Variants in MAGI1 observed in about 807,000 individuals in gnomAD.
MAGI1 encodes the protein membrane associated guanylate kinase, WW and PDZ domain containing 1.
In MAGI1, 58 loss-of-function variants were observed where a neutral mutation model predicts 139.9. The ratio of observed to expected loss-of-function variants is 0.41; its 90% confidence interval spans 0.34 to 0.52. MAGI1 has a LOEUF of 0.52. Among genes scored for constraint, MAGI1 ranks in the 20% least tolerant of loss-of-function variants. The pLI, the probability that MAGI1 is intolerant of heterozygous loss-of-function variation, is 0.12. For synonymous variants in MAGI1, 812 were observed against 737.9 expected (o/e 1.10, Z -1.63); for missense variants, 1,874 against 1,901.6 (o/e 0.99, Z 0.27).
At position 65,356,537 on chromosome 3, in the gene MAGI1, C is replaced by T. The variant is rs1485380602; in HGVS notation, c.4230G>A (p.Arg1410=). 2 of 1,610,124 alleles carry T rather than the reference C, an allele frequency of 1.2e-6. No homozygotes were observed. Among genetic ancestry groups the T allele is most frequent in the Admixed American group, 3.3e-5 (2 of 59,918 alleles). Residue 1410 remains arginine, a synonymous_variant, in exon 23 of 23, where the codon AGG becomes AGA. Transcript: ENST00000402939. ...DRRRARSPER[R]RERSLDKRNR... is the part of the protein sequence containing the mutation. ...TCCTTTTGTCCAGGGACCGCTCTCT[C>T]CTGCGCTCGGGGGAGCGTGCGCGCC...
chr3:65,791,496 G>C (rs1213671920), intron 1 of MAGI1, among the ~76,000 whole-genome samples: 1 of 152,118 alleles, frequency 6.6e-6, no homozygotes, highest in Non-Finnish European at 1.5e-5. Context: ...CTACAAATGA[G>C]AATATTTATT....
intron 2 of MAGI1, among the ~76,000 whole-genome samples, chr3:65,538,012 G>A (rs373051200): frequency 2.0e-5 from 3 of 152,240 alleles, no homozygotes; most frequent in Admixed American, 1.3e-4. Context: ...GTGGGTGCCT[G>A]TAATCCCAGC....
At chr3:65,921,919 GACACACACACACACAC>G (rs35532734) in intron 1 of MAGI1, among the ~76,000 whole-genome samples, 10 of 140,842 alleles carry the variant, frequency 7.1e-5, no homozygotes, top group South Asian at 2.3e-4. Flanking sequence ...CCACACACAC[GACACACACACACACAC>G]ACACACACAC....
At chr3:65,411,661 T>TA (rs994663505) in intron 12 of MAGI1, among the ~76,000 whole-genome samples, 2 of 152,158 alleles carry the variant, frequency 1.3e-5, no homozygotes, top group African/African-American at 4.8e-5. Context: ...GCTTGTAGGT[T>TA]AAAAAATACA....
At chr3:65,765,552 G>A (rs1417278466) in intron 1 of MAGI1, among the ~76,000 whole-genome samples, 3 of 152,194 alleles carry the variant, frequency 2.0e-5, no homozygotes, top group African/African-American at 7.2e-5. Flanking sequence ...GGAAGAGTCA[G>A]GATTCGGGCC....
chr3:66,023,948 T>A (rs1453635193), intron 1 of MAGI1, among the ~76,000 whole-genome samples: 1 of 152,180 alleles, frequency 6.6e-6, no homozygotes, highest in Non-Finnish European at 1.5e-5. Flanking sequence ...ATATGCTCTC[T>A]CCCCAGCTCT....
intron 1 of MAGI1, among the ~76,000 whole-genome samples, chr3:65,965,259 T>C (rs933740026): frequency 2.6e-5 from 4 of 152,210 alleles, no homozygotes; most frequent in Non-Finnish European, 5.9e-5. Flanking sequence ...ATCATTTGCA[T>C]CCCAGCCTCC....
At chr3:65,419,984 A>C (rs1402940376) in intron 12 of MAGI1, among the ~76,000 whole-genome samples, 2 of 152,066 alleles carry the variant, frequency 1.3e-5, no homozygotes, top group Non-Finnish European at 2.9e-5. Context: ...AGGTGTCCCA[A>C]GTCCCCCACT....
At chr3:65,410,019 G>A (rs958961706) in intron 12 of MAGI1, among the ~76,000 whole-genome samples, 4 of 152,190 alleles carry the variant, frequency 2.6e-5, no homozygotes, top group Admixed American at 6.5e-5. Flanking sequence ...ATTCCTGATG[G>A]CTTACAGAGC....
intron 1 of MAGI1, among the ~76,000 whole-genome samples, chr3:65,807,630 T>C (rs1293030971): frequency 6.6e-6 from 1 of 152,080 alleles, no homozygotes; most frequent in Non-Finnish European, 1.5e-5. Flanking sequence ...ATTATGAGAG[T>C]GCTCTGGGAA....
chr3:65,768,825 T>C (rs2037706990), intron 1 of MAGI1, among the ~76,000 whole-genome samples: 1 of 152,192 alleles, frequency 6.6e-6, no homozygotes, highest in African/African-American at 2.4e-5. Context: ...TCATTATCTT[T>C]TAGAAAATGT....
chr3:65,973,635 T>G (rs2065114428), intron 1 of MAGI1, among the ~76,000 whole-genome samples: 1 of 152,238 alleles, frequency 6.6e-6, no homozygotes, highest in African/African-American at 2.4e-5. Flanking sequence ...CACCTTCAAT[T>G]CTTACTGATT....
chr3:65,442,956 T>A (rs913944438), intron 7 of MAGI1, 107 bp from the exon 8 acceptor site: 53 of 765,476 alleles, frequency 6.9e-5, no homozygotes, highest in Admixed American at 1.1e-4. Flanking sequence ...AAAAATGCTT[T>A]AAATCCAATT....
At chr3:65,497,318 C>T (rs1952528572) in intron 2 of MAGI1, among the ~76,000 whole-genome samples, 1 of 152,040 alleles carries the variant, frequency 6.6e-6, no homozygotes, top group Admixed American at 6.5e-5. Context: ...AGAGAAAGAT[C>T]GTCAAAGGAG....
chr3:65,698,546 G>A (rs2089371226), intron 1 of MAGI1, among the ~76,000 whole-genome samples: 2 of 152,102 alleles, frequency 1.3e-5, no homozygotes, highest in East Asian at 3.9e-4. Flanking sequence ...CAATGGAACA[G>A]AACAGAGCCC....
At chr3:65,979,386 T>A (rs1463305247) in intron 1 of MAGI1, among the ~76,000 whole-genome samples, 1 of 152,186 alleles carries the variant, frequency 6.6e-6, no homozygotes, top group African/African-American at 2.4e-5. Flanking sequence ...AGCAGTTGGC[T>A]GAAAGCTCGC....
chr3:65,692,958 G>C (rs1292033392), intron 1 of MAGI1, among the ~76,000 whole-genome samples: 1 of 152,066 alleles, frequency 6.6e-6, no homozygotes, highest in African/African-American at 2.4e-5. Flanking sequence ...AGCAGACAGG[G>C]TCTTGCTCTG....
At chr3:66,026,032 GAAAGC>G (rs1234280552) in intron 1 of MAGI1, among the ~76,000 whole-genome samples, 3 of 151,164 alleles carry the variant, frequency 2.0e-5, no homozygotes, top group Non-Finnish European at 4.4e-5. Context: ...CAACACCGGA[GAAAGC>G]TTTTTTTTTT....
chr3:65,859,682 C>CT (rs2108436206), intron 1 of MAGI1, among the ~76,000 whole-genome samples: 1 of 151,286 alleles, frequency 6.6e-6, no homozygotes, highest in South Asian at 2.1e-4. Context: ...GATCATGCCA[C>CT]TGCACGCCAG....
Sources: allele counts gnomAD v4.1 joint callset (sites outside exome capture counted in the v4.1 genomes callset), GRCh38; gene constraint gnomAD v4.1.1; transcripts MANE v1.5; gene names NCBI Gene and HGNC (gene_info 2026-07-23, HGNC 2026-07-21).